Variants in CNTNAP2 observed in about 807,000 individuals in gnomAD.
CNTNAP2 encodes contactin-associated protein-like 2.
CNTNAP2 carries 98 observed loss-of-function variants against 155.2 expected under a neutral mutation model. The ratio of observed to expected loss-of-function variants is 0.63; its 90% confidence interval spans 0.54 to 0.75. CNTNAP2 has a LOEUF of 0.75. CNTNAP2 is among the 30% of genes least tolerant of loss of function. The pLI is 0.00. For missense variants in CNTNAP2, 1,727 were observed against 1,688.1 expected, an observed-to-expected ratio of 1.02 and a Z score of -0.40; for synonymous variants, 651 against 631.2, an observed-to-expected ratio of 1.03 and a Z score of -0.47.
chr7:146,311,957 C>T (rs1287579128), intron 1 of CNTNAP2: 1 of 152,030 alleles, frequency 6.6e-6, no homozygotes, highest in Non-Finnish European at 1.5e-5. Flanking sequence ...ATTTAAACAA[C>T]TACTCTAGTA....
chr7:146,599,993 G>C (rs1303355209), intron 1 of CNTNAP2, among the ~76,000 whole-genome samples: 1 of 152,040 alleles, frequency 6.6e-6, no homozygotes, highest in Non-Finnish European at 1.5e-5. Context: ...TCTCTGGGGA[G>C]TGAAATGACC....
intron 9 of CNTNAP2, among the ~76,000 whole-genome samples, chr7:147,317,576 A>G (rs902353813): frequency 6.6e-6 from 1 of 152,130 alleles, no homozygotes; most frequent in African/African-American, 2.4e-5. Context: ...TAAGATGACT[A>G]CTTCTTTCTC....
chr7:146,255,306 G>A (rs1212446604), intron 1 of CNTNAP2, among the ~76,000 whole-genome samples: 1 of 152,180 alleles, frequency 6.6e-6, no homozygotes, highest in African/African-American at 2.4e-5. Flanking sequence ...TCACATAATT[G>A]TGAATATTAA....
rs546416071 is a variant in CNTNAP2, at chr7:147,764,348, T to C, written c.2098+125042T>C. On this transcript the variant is annotated intron_variant, in intron 13 of 23. Transcript: ENST00000361727. ...AGCTACACCTCATGTCTAATTTTGC[T>C]TCCACTCCAAATACCTAATTTTCAG... 1.1e-3 allele frequency among the ~76,000 whole-genome samples: 167 copies of C among 152,276 alleles called. 1 individual carries two copies. The highest frequency in any genetic ancestry group is 3.8e-3 in the African/African-American group (156 of 41,562).
intron 12 of CNTNAP2, among the ~76,000 whole-genome samples, chr7:147,621,288 T>G (rs982171248): frequency 9.2e-5 from 14 of 152,000 alleles, no homozygotes; most frequent in African/African-American, 2.9e-4. Context: ...AGAAATCACC[T>G]GAAAGTACAA....
intron 13 of CNTNAP2, among the ~76,000 whole-genome samples, chr7:147,788,467 C>T (rs530241538): frequency 6.6e-6 from 1 of 152,180 alleles, no homozygotes; most frequent in Non-Finnish European, 1.5e-5. Context: ...TCAAGATGCT[C>T]AACCAGAGTC....
At chr7:146,905,869 G>C (rs1188233101) in intron 3 of CNTNAP2, among the ~76,000 whole-genome samples, 1 of 152,094 alleles carries the variant, frequency 6.6e-6, no homozygotes, top group Non-Finnish European at 1.5e-5. Context: ...GGTGATTTCT[G>C]GAAATCATCT....
intron 21 of CNTNAP2, among the ~76,000 whole-genome samples, chr7:148,267,395 C>T (rs1796691940): frequency 1.3e-5 from 2 of 152,048 alleles, no homozygotes; most frequent in African/African-American, 4.8e-5. Flanking sequence ...TGGGTCACGC[C>T]TGTAATCCCA....
intron 3 of CNTNAP2, among the ~76,000 whole-genome samples, chr7:146,906,556 C>A (rs1254921368): frequency 1.3e-5 from 2 of 152,030 alleles, no homozygotes; most frequent in Non-Finnish European, 2.9e-5. Flanking sequence ...ACACCTCACA[C>A]AGCAGGGTAT....
rs1025640803 is a variant in CNTNAP2 at position 146,472,395 on chromosome 7, C to T, written c.98-301876C>T. ...CTGTAGAAAATGGCTAAGTAGATAA[C>T]GGATTTCTGAACTAAACATAATATG... On this transcript the variant is annotated intron_variant, in intron 1 of 23. Coordinates refer to ENST00000361727, the MANE Select transcript of CNTNAP2 (RefSeq NM_014141.6). 2.0e-4 allele frequency among the ~76,000 whole-genome samples: 31 copies of T among 152,148 alleles called. 1 individual carries two copies. In the Middle Eastern group the frequency reaches 0.017, roughly 83 times the overall value.
At chr7:146,841,306 A>G in intron 3 of CNTNAP2, among the ~76,000 whole-genome samples, 1 of 148,194 alleles carries the variant, frequency 6.7e-6, no homozygotes, top group East Asian at 2.1e-4. Flanking sequence ...AGAACAGAAA[A>G]TTTGAAAGAG....
At chr7:146,929,065 GA>G (rs1161725274) in intron 3 of CNTNAP2, among the ~76,000 whole-genome samples, 2 of 152,204 alleles carry the variant, frequency 1.3e-5, no homozygotes, top group Non-Finnish European at 2.9e-5. Context: ...GTCCCTGTCT[GA>G]CAGCTTTGAA....
intron 13 of CNTNAP2, among the ~76,000 whole-genome samples, chr7:147,681,363 G>T (rs138844765): frequency 0.016 from 2,494 of 151,912 alleles, 221 homozygotes; most frequent in Admixed American, 0.15. Flanking sequence ...AAACTCAGTG[G>T]GTCACTTTTG....
intron 10 of CNTNAP2, 137 bp from the exon 11 acceptor site, chr7:147,485,798 T>C: frequency 1.2e-6 from 1 of 814,234 alleles, no homozygotes; most frequent in African/African-American, 1.7e-5. Context: ...TTAATCTGCT[T>C]AAACTAACAA....
At chr7:147,742,699 A>G (rs912356745) in intron 13 of CNTNAP2, among the ~76,000 whole-genome samples, 1 of 152,226 alleles carries the variant, frequency 6.6e-6, no homozygotes, top group Non-Finnish European at 1.5e-5. Context: ...AATTCTACGT[A>G]TCTTTTCCTA....
At chr7:147,696,636 A>G (rs1451711988) in intron 13 of CNTNAP2, among the ~76,000 whole-genome samples, 1 of 151,640 alleles carries the variant, frequency 6.6e-6, no homozygotes, top group African/African-American at 2.4e-5. Flanking sequence ...GACCTATATC[A>G]TTTTTGTTTC....
intron 21 of CNTNAP2, among the ~76,000 whole-genome samples, chr7:148,300,529 T>C (rs1248912043): frequency 6.6e-6 from 1 of 151,806 alleles, no homozygotes; most frequent in Non-Finnish European, 1.5e-5. Flanking sequence ...AACAATTTTT[T>C]TTTTTTCACT....
intron 13 of CNTNAP2, among the ~76,000 whole-genome samples, chr7:147,900,666 G>A (rs1799852925): frequency 6.6e-6 from 1 of 152,172 alleles, no homozygotes; most frequent in African/African-American, 2.4e-5. Context: ...TCCCAAGCTA[G>A]GGTACAGTGG....
At chr7:146,595,446 T>A (rs1465038339) in intron 1 of CNTNAP2, among the ~76,000 whole-genome samples, 1 of 152,086 alleles carries the variant, frequency 6.6e-6, no homozygotes, top group Non-Finnish European at 1.5e-5. Flanking sequence ...AGAGGAATAT[T>A]ATATTTTCAG....
Sources: gnomAD v4.1 joint callset for allele counts (sites outside exome capture counted in the v4.1 genomes callset) on GRCh38, gnomAD v4.1.1 for gene constraint, MANE v1.5 for transcripts, NCBI Gene and HGNC (gene_info 2026-07-23, HGNC 2026-07-21) for gene names.